ITFG1: variants seen among roughly 807,000 people sequenced by gnomAD.
ITFG1 encodes T-cell immunomodulatory protein.
Under a neutral mutation model 81.8 loss-of-function variants are expected in ITFG1, and 34 were observed. The ratio of observed to expected loss-of-function variants is 0.42; its 90% CI spans 0.32 to 0.55. The LOEUF (loss-of-function observed/expected upper bound fraction) is 0.55, where lower values mean the gene tolerates loss of function less well. Ranked by LOEUF, ITFG1 falls within the 20% of genes least tolerant of loss-of-function variation. ITFG1 has a pLI of 0.17. For missense variants in ITFG1, 672 were observed against 755.4 expected, an observed-to-expected ratio of 0.89 and a Z score of 1.29; for synonymous variants, 285 against 270.6, an observed-to-expected ratio of 1.05 and a Z score of -0.52.
chr16:47,325,008 A>G (rs1967511539), intron 8 of ITFG1, among the ~76,000 whole-genome samples: 2 of 152,280 alleles, frequency 1.3e-5, no homozygotes, highest in South Asian at 4.1e-4. Flanking sequence ...AGAACTCTCT[A>G]CCCCAAATCA....
rs796504441 is a variant in ITFG1, at chr16:47,227,976, C to A, written c.1375-9030G>T. Among the ~76,000 whole-genome samples the A allele has an allele frequency of 6.8e-4, 104 of 152,184 alleles. 1 individual carries two copies. Among genetic ancestry groups the A allele is most frequent in the African/African-American group, 2.4e-3 (98 of 41,536 alleles). On this transcript the variant is annotated intron_variant, in intron 13 of 17. Transcript: ENST00000320640. Reference sequence around the variant, plus strand: ...AATGCCCAATTTAGTTTAATATTGACATTTTTTATTGTTTCTTGCTCTTTA... The same window carrying A: ...AATGCCCAATTTAGTTTAATATTGAAATTTTTTATTGTTTCTTGCTCTTTA...
chr16:47,187,943 G>A (rs953185505), intron 14 of ITFG1, among the ~76,000 whole-genome samples: 2 of 151,982 alleles, frequency 1.3e-5, no homozygotes, highest in African/African-American at 4.8e-5. Flanking sequence ...ACATCAAAAA[G>A]TGGGCGAAGG....
intron 10 of ITFG1, among the ~76,000 whole-genome samples, chr16:47,271,214 A>C (rs368883074): frequency 1.3e-5 from 2 of 152,216 alleles, no homozygotes; most frequent in Admixed American, 6.5e-5. Flanking sequence ...TTGAAATCTC[A>C]TATTTAATAG....
At chr16:47,387,380 G>C (rs1217933506) in intron 6 of ITFG1, among the ~76,000 whole-genome samples, 3 of 152,206 alleles carry the variant, frequency 2.0e-5, no homozygotes, top group African/African-American at 7.2e-5. Context: ...TATTATTGTG[G>C]AAAAGAATCT....
At chr16:47,159,694 A>G (rs1242513585) in intron 16 of ITFG1, among the ~76,000 whole-genome samples, 1 of 152,170 alleles carries the variant, frequency 6.6e-6, no homozygotes, top group African/African-American at 2.4e-5. Context: ...TAAGGACTGT[A>G]TCACCAAGTG....
At chr16:47,249,332 T>C (rs1021588649) in intron 12 of ITFG1, among the ~76,000 whole-genome samples, 7 of 152,126 alleles carry the variant, frequency 4.6e-5, no homozygotes, top group Non-Finnish European at 7.4e-5. Flanking sequence ...GGCAGGAGAA[T>C]TGCTTGAACA....
At position 47,358,265 on chromosome 16, in the gene ITFG1, C is replaced by T. The variant is rs893806579; in HGVS notation, c.802+7523G>A. Among the ~76,000 whole-genome samples the T allele has an allele frequency of 4.6e-5, 7 of 152,036 alleles. No individual in the cohort carries two copies. In the East Asian group the frequency reaches 5.8e-4, roughly 13 times the overall value. ...AGTAGGCTAAGGGAGACAAAGGTCC[C>T]GCAGGTTAGAGGGAGAACTGTTTTA... On this transcript the variant is annotated intron_variant, in intron 8 of 17. Transcript: ENST00000320640.
At chr16:47,379,600 G>C (rs1968370068) in intron 6 of ITFG1, among the ~76,000 whole-genome samples, 1 of 151,694 alleles carries the variant, frequency 6.6e-6, no homozygotes. Flanking sequence ...ATGCAGAATT[G>C]CTTGAACCTG....
chr16:47,277,113 A>G (rs1242154491), intron 10 of ITFG1, among the ~76,000 whole-genome samples: 1 of 152,164 alleles, frequency 6.6e-6, no homozygotes, highest in Non-Finnish European at 1.5e-5. Flanking sequence ...AATACCACTG[A>G]GTTATCATTA....
intron 7 of ITFG1, among the ~76,000 whole-genome samples, chr16:47,373,998 G>A (rs1968292946): frequency 6.6e-6 from 1 of 152,180 alleles, no homozygotes; most frequent in Non-Finnish European, 1.5e-5. Flanking sequence ...AACTGAGAAA[G>A]ATTATCTCCT....
chr16:47,390,279 T>C (rs1047635217), intron 6 of ITFG1, among the ~76,000 whole-genome samples: 3 of 152,212 alleles, frequency 2.0e-5, no homozygotes, highest in African/African-American at 7.2e-5. Context: ...AGAGAATTCC[T>C]AAGGAAGCAT....
At chr16:47,283,268 A>C (rs957186634) in intron 10 of ITFG1, among the ~76,000 whole-genome samples, 1 of 152,150 alleles carries the variant, frequency 6.6e-6, no homozygotes, top group African/African-American at 2.4e-5. Context: ...ATATGGTGAG[A>C]GACAGGGGTC....
intron 12 of ITFG1, among the ~76,000 whole-genome samples, chr16:47,254,743 C>T (rs771093913): frequency 2.8e-4 from 42 of 152,154 alleles, no homozygotes; most frequent in Admixed American, 6.5e-5. Context: ...GTACTTAATG[C>T]GTAACATCTG....
At chr16:47,316,819 A>G (rs1049251157) in intron 8 of ITFG1, among the ~76,000 whole-genome samples, 2 of 152,222 alleles carry the variant, frequency 1.3e-5, no homozygotes, top group African/African-American at 4.8e-5. Flanking sequence ...TAGGAGCTAG[A>G]ATTACTTTAA....
intron 14 of ITFG1, among the ~76,000 whole-genome samples, chr16:47,188,290 G>T (rs1366620260): frequency 1.3e-5 from 2 of 152,092 alleles, no homozygotes; most frequent in Non-Finnish European, 1.5e-5. Context: ...TATAAATCAT[G>T]CTACTATAAA....
intron 8 of ITFG1, among the ~76,000 whole-genome samples, chr16:47,342,373 G>A (rs572122019): frequency 6.6e-6 from 1 of 152,138 alleles, no homozygotes; most frequent in South Asian, 2.1e-4. Context: ...TTCTGAACAT[G>A]AATTTATAAA....
At chr16:47,394,260 T>C (rs1968567554) in intron 6 of ITFG1, among the ~76,000 whole-genome samples, 1 of 152,138 alleles carries the variant, frequency 6.6e-6, no homozygotes. Context: ...AGAAAAAGTG[T>C]GTGTGTGTAC....
chr16:47,216,715 G>A lies in ITFG1; in HGVS notation c.1453+2153C>T, dbSNP rs571921801. Reference sequence around the variant, plus strand: ...CTTACTCCTTCACCAAGGTTGGAGTGCAGTGGTGTGATCTCGGCTCACTGC... The same window carrying A: ...CTTACTCCTTCACCAAGGTTGGAGTACAGTGGTGTGATCTCGGCTCACTGC... On this transcript the variant is annotated intron_variant, in intron 14 of 17. Coordinates refer to ENST00000320640, the MANE Select transcript of ITFG1 (RefSeq NM_030790.5). 3.2e-4 allele frequency among the ~76,000 whole-genome samples: 48 copies of A among 151,954 alleles called. 2 individuals are homozygous for A. The South Asian group carries it at 9.8e-3, about 31-fold the overall frequency.
chr16:47,221,624 T>G (rs1596816528), intron 13 of ITFG1, among the ~76,000 whole-genome samples: 2 of 152,330 alleles, frequency 1.3e-5, no homozygotes, highest in African/African-American at 4.8e-5. Flanking sequence ...GATTCCCTCT[T>G]TTTCTATTGA....
Sources: allele counts gnomAD v4.1 joint callset (sites outside exome capture counted in the v4.1 genomes callset), GRCh38; gene constraint gnomAD v4.1.1; transcripts MANE v1.5; gene names NCBI Gene and HGNC (gene_info 2026-07-23, HGNC 2026-07-21).